Variants in ANO3 observed in about 807,000 individuals in gnomAD.
ANO3 encodes anoctamin-3.
ANO3 carries 99 observed loss-of-function variants against 144.8 expected under a neutral mutation model. The observed-to-expected ratio is 0.68, with a 90% CI of 0.58 to 0.81. The LOEUF is 0.81. Among genes scored for constraint, ANO3 ranks in the 30% least tolerant of loss-of-function variants. The probability of loss-of-function intolerance (pLI) is 0.00; values close to 1 mark genes in which losing one functional copy is unlikely to be tolerated. For synonymous variants in ANO3, 414 were observed against 392.6 expected, an observed-to-expected ratio of 1.05 and a Z score of -0.64; for missense variants, 905 against 1,202.2, an observed-to-expected ratio of 0.75 and a Z score of 3.66.
chr11:26,233,343 G>C (rs963471015), intron 1 of ANO3, among the ~76,000 whole-genome samples: 1 of 152,100 alleles, frequency 6.6e-6, no homozygotes, highest in Non-Finnish European at 1.5e-5. Flanking sequence ...ATGAAAAAAA[G>C]TTCATCATCA....
Position 26,656,151 on chromosome 11 carries a change from G to C in ANO3, c.2603G>C (p.Ser868Thr). 6.2e-7 allele frequency: 1 copy of C among 1,613,444 alleles called. No homozygotes were observed. The highest frequency in any genetic ancestry group is 8.5e-7 in the Non-Finnish European group (1 of 1,179,558). ...TGCTTGAAGGGATATGTCAACAATAGCCTATCCTTCTTTGACCTGAGTGAG... is the reference window on the plus strand; with the variant it reads ...TGCTTGAAGGGATATGTCAACAATACCCTATCCTTCTTTGACCTGAGTGAG... ...ENCLKGYVNN[S>T]LSFFDLSELG... is the part of the protein sequence containing the mutation. Residue 868 changes from serine (S) to threonine (T), a missense_variant, in exon 25 of 27, where the codon AGC (serine) becomes ACC (threonine). Physicochemically the swap from Ser to Thr is moderately conservative, Grantham distance 58. Coordinates refer to ENST00000256737, the MANE Select transcript of ANO3 (RefSeq NM_031418.4).
chr11:26,281,619 T>G (rs1370044540), intron 1 of ANO3, among the ~76,000 whole-genome samples: 1 of 152,190 alleles, frequency 6.6e-6, no homozygotes, highest in Non-Finnish European at 1.5e-5. Flanking sequence ...AGCAAAACAT[T>G]TTTATTCTTA....
chr11:26,523,452 A>C (rs1333247815), intron 6 of ANO3, among the ~76,000 whole-genome samples: 1 of 152,210 alleles, frequency 6.6e-6, no homozygotes, highest in Non-Finnish European at 1.5e-5. Context: ...ACAGAAATGG[A>C]CAGGGGACTG....
intron 1 of ANO3, among the ~76,000 whole-genome samples, chr11:26,335,566 C>A (rs551018969): frequency 6.6e-6 from 1 of 152,014 alleles, no homozygotes; most frequent in Admixed American, 6.5e-5. Context: ...CAAAAAATTC[C>A]CATAGAAATT....
chr11:26,443,371 G>A (rs568071848), intron 2 of ANO3, among the ~76,000 whole-genome samples: 11 of 152,258 alleles, frequency 7.2e-5, no homozygotes, highest in Admixed American at 7.2e-4. Context: ...GGAGGCCAAA[G>A]TGGGCAGATC....
At position 26,320,727 on chromosome 11, in the gene ANO3, T is replaced by C. The variant is rs544078083; in HGVS notation, c.-3+11008T>C. On this transcript the variant is annotated intron_variant, in intron 1 of 26. Transcript: ENST00000525139. ...ATGTTTCTGTTTAACATTTTAGTTC[T>C]TCTAATGTGAAATTTTACCTTGATT... is the stretch of plus-strand genomic sequence containing the variant. Among the ~76,000 whole-genome samples, 4 of 152,284 alleles carry C rather than the reference T, an allele frequency of 2.6e-5. No homozygotes were observed. In the South Asian group the frequency reaches 8.3e-4, roughly 32 times the overall value.
intron 4 of ANO3, among the ~76,000 whole-genome samples, chr11:26,486,872 G>A (rs1860472470): frequency 3.9e-5 from 6 of 152,174 alleles, no homozygotes; most frequent in Admixed American, 3.9e-4. Flanking sequence ...CAGGCTGTTA[G>A]GAATGGAGGC....
At chr11:26,540,858 T>C (rs1179373056) in intron 10 of ANO3, among the ~76,000 whole-genome samples, 2 of 152,096 alleles carry the variant, frequency 1.3e-5, no homozygotes, top group Non-Finnish European at 2.9e-5. Flanking sequence ...GGAGTGTAAA[T>C]TAGTTCAACC....
At chr11:26,514,664 GT>G (rs1565073020) in intron 5 of ANO3, among the ~76,000 whole-genome samples, 1 of 152,046 alleles carries the variant, frequency 6.6e-6, no homozygotes, top group South Asian at 2.1e-4. Flanking sequence ...AGGCAAGTTG[GT>G]GCAACACTGG....
At chr11:26,543,339 G>A (rs1327299393) in intron 11 of ANO3, among the ~76,000 whole-genome samples, 1 of 151,988 alleles carries the variant, frequency 6.6e-6, no homozygotes, top group Non-Finnish European at 1.5e-5. Context: ...GAAAATGGGA[G>A]GGAACAAAGC....
chr11:26,531,444 G>A (rs1313347882), intron 8 of ANO3, 108 bp downstream of exon 8: 19 of 1,259,940 alleles, frequency 1.5e-5, no homozygotes, highest in Non-Finnish European at 2.1e-5. Flanking sequence ...ATACGTCAGA[G>A]AACTTATCAT....
intron 1 of ANO3, among the ~76,000 whole-genome samples, chr11:26,412,795 AGTGTGT>A (rs60855252): frequency 8.3e-4 from 116 of 140,230 alleles, no homozygotes; most frequent in Non-Finnish European, 1.2e-3. Context: ...GAGAAAGGAA[AGTGTGT>A]GTGTGTGTGT....
intron 23 of ANO3, among the ~76,000 whole-genome samples, chr11:26,643,592 C>T (rs1465710225): frequency 6.6e-6 from 1 of 151,944 alleles, no homozygotes; most frequent in African/African-American, 2.4e-5. Context: ...CCTGTCTCTA[C>T]TAAAAATACA....
chr11:26,356,936 C>T (rs1035427557), intron 1 of ANO3, among the ~76,000 whole-genome samples: 1 of 152,180 alleles, frequency 6.6e-6, no homozygotes, highest in Admixed American at 6.5e-5. Context: ...CTTATAAGGA[C>T]ATTGGAAATT....
chr11:26,617,344 A>G (rs1039814003), intron 17 of ANO3, among the ~76,000 whole-genome samples: 4 of 152,208 alleles, frequency 2.6e-5, no homozygotes, highest in Non-Finnish European at 5.9e-5. Context: ...GGCTTAATGT[A>G]TTATTTATTC....
intron 1 of ANO3, among the ~76,000 whole-genome samples, chr11:26,426,577 C>T (rs1857927700): frequency 1.3e-5 from 2 of 152,066 alleles, no homozygotes; most frequent in South Asian, 4.1e-4. Context: ...CACTGACAGG[C>T]AAATGATCAA....
chr11:26,462,570 C>A (rs1859446214), intron 3 of ANO3, among the ~76,000 whole-genome samples: 1 of 151,692 alleles, frequency 6.6e-6, no homozygotes, highest in African/African-American at 2.4e-5. Context: ...AAGATATTTT[C>A]TACTATTTCT....
In ANO3 at chr11:26,289,480, A is replaced by T. The variant is rs540447047; in HGVS notation, c.155-20165A>T. On this transcript the variant is annotated intron_variant, in intron 1 of 27. Coordinates refer to the ANO3 transcript ENST00000672621. ...ACTGCCTATTTTGCCAAAAATTTTC[A>T]TATACATTATTACCTTTGATTCTAA... Among the ~76,000 whole-genome samples the T allele has an allele frequency of 4.0e-5, 6 of 148,494 alleles. No individual in the cohort carries two copies. The South Asian group carries it at 1.3e-3, about 31-fold the overall frequency.
At chr11:26,293,530 CATGTATATATATATATATATATATAT>C (rs1356069426) in intron 1 of ANO3, among the ~76,000 whole-genome samples, 1,448 of 62,438 alleles carry the variant, frequency 0.023, 120 homozygotes, top group African/African-American at 0.084. Context: ...CTATAAATTC[CATGTATATATATATATATATATATAT>C]ATATATATAT....
Sources: gnomAD v4.1 joint callset for allele counts (sites outside exome capture counted in the v4.1 genomes callset) on GRCh38, gnomAD v4.1.1 for gene constraint, MANE v1.5 for transcripts, NCBI Gene and HGNC (gene_info 2026-07-23, HGNC 2026-07-21) for gene names.